C8orf88: variants seen among roughly 807,000 people sequenced by gnomAD.
C8orf88 encodes the protein uncharacterized protein C8orf88.
In C8orf88, 14 loss-of-function variants were observed where a neutral mutation model predicts 18.4. That is an observed-to-expected ratio of 0.76 (90% CI 0.50 to 1.19). The LOEUF is 1.19. Ranked by LOEUF, C8orf88 falls within the 50% of genes most tolerant of loss-of-function variation. The probability of loss-of-function intolerance (pLI) is 0.00; values close to 1 mark genes in which losing one functional copy is unlikely to be tolerated. For synonymous variants in C8orf88, 45 were observed against 42.9 expected (o/e 1.05, Z -0.19); for missense variants, 116 against 134.7 (o/e 0.86, Z 0.69).
intron 5 of C8orf88, among the ~76,000 whole-genome samples, chr8:90,959,673 A>T (rs997491589): frequency 4.6e-5 from 7 of 151,478 alleles, no homozygotes. Context: ...TTTTTTAAAA[A>T]TTATAATTTG....
intron 5 of C8orf88, among the ~76,000 whole-genome samples, chr8:90,959,668 TA>T (rs1811096922): frequency 1.3e-5 from 2 of 151,450 alleles, no homozygotes. Flanking sequence ...TAATGTTTTT[TA>T]AAAATTATAA....
At chr8:90,971,042 T>C (rs1443268140) in intron 4 of C8orf88, 24 bp downstream of exon 4, 14 of 1,396,406 alleles carry the variant, frequency 1.0e-5, no homozygotes, top group African/African-American at 5.8e-5. Context: ...AATGATAAAA[T>C]TGGGAATTAT....
chr8:90,958,928 C>A lies in C8orf88; in HGVS notation c.*79G>T. The A allele has an allele frequency of 2.5e-6, 2 of 791,424 alleles. No homozygotes were observed. The highest frequency in any genetic ancestry group is 3.8e-5 in the South Asian group (2 of 53,290). The allele number at this position is 791,424 out of a possible 1,614,324, so 49.0% of individuals were successfully genotyped here. ...CAAAATTAAGAATAAATTGAATTGT[C>A]ACAGTCCATTACAGTTATTGTTGCT... On this transcript the variant is annotated 3_prime_UTR_variant, in exon 6 of 6. Transcript: ENST00000517562.
intron 4 of C8orf88, among the ~76,000 whole-genome samples, chr8:90,966,482 A>G (rs1811200219): frequency 7.0e-6 from 1 of 142,514 alleles, no homozygotes; most frequent in Non-Finnish European, 1.6e-5. Context: ...GTGCACATGT[A>G]CCCTAAAACT....
intron 2 of C8orf88, among the ~76,000 whole-genome samples, chr8:90,979,774 G>A (rs1024276148): frequency 3.3e-5 from 5 of 152,160 alleles, no homozygotes; most frequent in African/African-American, 1.2e-4. Flanking sequence ...TTCCAATTTA[G>A]AAGTTAAATA....
chr8:90,972,560 TA>T (rs1198614012), intron 3 of C8orf88, among the ~76,000 whole-genome samples: 1 of 152,050 alleles, frequency 6.6e-6, no homozygotes, highest in Non-Finnish European at 1.5e-5. Flanking sequence ...ATTAAAAACT[TA>T]AAATACTGAT....
chr8:90,984,826 T>C (rs936250423), intron 1 of C8orf88, among the ~76,000 whole-genome samples: 1 of 152,190 alleles, frequency 6.6e-6, no homozygotes. Context: ...ACTTAGCTCC[T>C]TTTTTGGCGA....
intron 1 of C8orf88, among the ~76,000 whole-genome samples, chr8:90,983,728 C>A (rs1811466317): frequency 6.6e-6 from 1 of 151,982 alleles, no homozygotes; most frequent in African/African-American, 2.4e-5. Context: ...AGATAAGAAA[C>A]CTGAGGCTCA....
At chr8:90,960,678 G>T in intron 5 of C8orf88, 64 bp downstream of exon 5, 1 of 937,022 alleles carries the variant, frequency 1.1e-6, no homozygotes, top group Non-Finnish European at 1.6e-6. Context: ...AGAGTCTGAT[G>T]AAAATGTTAA....
At chr8:90,984,465 C>G (rs904739536) in intron 1 of C8orf88, among the ~76,000 whole-genome samples, 2 of 152,198 alleles carry the variant, frequency 1.3e-5, no homozygotes, top group Non-Finnish European at 2.9e-5. Flanking sequence ...TTCCATATAT[C>G]TGGTTGCACT....
chr8:90,960,926 G>T (rs568175713), intron 4 of C8orf88, 78 bp from the exon 5 acceptor site: 458 of 733,900 alleles, frequency 6.2e-4, no homozygotes, highest in Admixed American at 1.1e-3. Flanking sequence ...TTTCTTTCTG[G>T]ATGTCCTCTA....
chr8:90,974,687 T>C (rs1427482689), intron 3 of C8orf88, among the ~76,000 whole-genome samples: 6 of 152,138 alleles, frequency 3.9e-5, no homozygotes, highest in Admixed American at 6.5e-5. Flanking sequence ...GACAGAGCCA[T>C]GGATTTACAC....
chr8:90,960,640 T>C (rs1324856232), intron 5 of C8orf88, 102 bp downstream of exon 5: 4 of 587,062 alleles, frequency 6.8e-6, no homozygotes, highest in African/African-American at 3.8e-5. Flanking sequence ...TTATATCTTA[T>C]AATAAGGAAG....
intron 4 of C8orf88, among the ~76,000 whole-genome samples, chr8:90,963,322 G>C (rs943943325): frequency 6.6e-6 from 1 of 151,562 alleles, no homozygotes; most frequent in African/African-American, 2.4e-5. Flanking sequence ...CTACAACAAA[G>C]AGCAACAACA....
At chr8:90,970,949 CA>C (rs1811272405) in intron 4 of C8orf88, 116 bp downstream of exon 4, 1 of 572,548 alleles carries the variant, frequency 1.7e-6, no homozygotes, top group Non-Finnish European at 2.8e-6. Flanking sequence ...AGAAATCAAT[CA>C]AAAAATATAT....
At chr8:90,968,981 A>G (rs982440473) in intron 4 of C8orf88, among the ~76,000 whole-genome samples, 7 of 151,648 alleles carry the variant, frequency 4.6e-5, no homozygotes, top group Non-Finnish European at 1.0e-4. Context: ...AATAGCAAGA[A>G]TATTGAGAGG....
intron 1 of C8orf88, among the ~76,000 whole-genome samples, chr8:90,984,676 C>T (rs2130331402): frequency 6.6e-6 from 1 of 152,242 alleles, no homozygotes; most frequent in Non-Finnish European, 1.5e-5. Flanking sequence ...TTACTTTAGT[C>T]ATGTAACTGT....
chr8:90,959,150 A>G, intron 5 of C8orf88, 120 bp from the exon 6 acceptor site: 1 of 495,550 alleles, frequency 2.0e-6, no homozygotes, highest in Non-Finnish European at 3.5e-6. Flanking sequence ...GCATGTTACC[A>G]TAGAAACTAT....
At chr8:90,961,004 A>T (rs1446123976) in intron 4 of C8orf88, among the ~76,000 whole-genome samples, 156 bp from the exon 5 acceptor site, 1 of 151,472 alleles carries the variant, frequency 6.6e-6, no homozygotes, top group Non-Finnish European at 1.5e-5. Flanking sequence ...TTTGACAAGC[A>T]TCTACTGCCT....
Sources: allele counts gnomAD v4.1 joint callset (sites outside exome capture counted in the v4.1 genomes callset), GRCh38; gene constraint gnomAD v4.1.1; transcripts MANE v1.5; gene names NCBI Gene and HGNC (gene_info 2026-07-23, HGNC 2026-07-21).